The following PEA15 variants were observed in gnomAD, a reference collection of about 807,000 sequenced individuals.
The protein encoded by PEA15 is proliferation and apoptosis adaptor protein 15.
For synonymous variants in PEA15, 60 were observed against 61.8 expected, an observed-to-expected ratio of 0.97 and a Z score of 0.13; for missense variants, 77 against 161.3, an observed-to-expected ratio of 0.48 and a Z score of 2.83.
At chr1:160,207,644 T>C (rs1388890553) in intron 1 of PEA15, among the ~76,000 whole-genome samples, 1 of 152,126 alleles carries the variant, frequency 6.6e-6, no homozygotes, top group Non-Finnish European at 1.5e-5. Context: ...CCCTGGAGCC[T>C]CAGAACCCTC....
At position 160,208,716 on chromosome 1, in the gene PEA15, C is replaced by G; in HGVS notation, c.-2-2827C>G. The G allele has an allele frequency of 6.9e-7, 1 of 1,446,820 alleles. No homozygotes were observed. The highest frequency in any genetic ancestry group is 9.5e-7 in the Non-Finnish European group (1 of 1,052,696). 89.6% of individuals were successfully genotyped at this position (1,446,820 alleles called of 1,614,324 possible). A position where few individuals can be genotyped will look rare whatever the true frequency, so the allele number is the denominator to read the frequency against. Reference sequence around the variant, plus strand: ...GAGAGCAGTTCCCCTAAACAACACTCCCTTTGCTTCTTCTGCCATACTAAG... The same window carrying G: ...GAGAGCAGTTCCCCTAAACAACACTGCCTTTGCTTCTTCTGCCATACTAAG... On this transcript the variant is annotated intron_variant, in intron 1 of 3. Coordinates refer to ENST00000360472, the MANE Select transcript of PEA15 (RefSeq NM_003768.5). This position sits in a 1 kb window ranked among gnomAD's most constrained non-coding sequence, Gnocchi z 4.1.
chr1:160,208,590 G>C lies in PEA15; in HGVS notation c.-2-2953G>C, dbSNP rs960091897. On this transcript the variant is annotated intron_variant, in intron 1 of 3. Coordinates refer to ENST00000360472, the MANE Select transcript of PEA15 (RefSeq NM_003768.5). This position sits in a 1 kb window ranked among gnomAD's most constrained non-coding sequence, Gnocchi z 4.1. The stretch of plus-strand genomic sequence containing the variant: ...GAGCCCTAAGGAAATCTGAATCTCT[G>C]GTGAGGAAAGTGACATGGAGGATGA... 13 of 1,549,900 alleles carry C rather than the reference G, an allele frequency of 8.4e-6. No homozygotes were observed. Among genetic ancestry groups the C allele is most frequent in the Non-Finnish European group, 1.0e-5 (12 of 1,146,516 alleles).
intron 1 of PEA15, among the ~76,000 whole-genome samples, chr1:160,209,763 C>A (rs2101694660): frequency 1.3e-5 from 2 of 152,234 alleles, no homozygotes; most frequent in African/African-American, 4.8e-5. Context: ...ATCTCTAGTC[C>A]CCTCCCCATC....
At chr1:160,211,335 C>A in intron 1 of PEA15, 1 of 1,267,718 alleles carries the variant, frequency 7.9e-7, no homozygotes, top group Non-Finnish European at 1.0e-6. Flanking sequence ...TCACTCTAGG[C>A]TCCAGCCTGG....
chr1:160,214,777 A>T lies in PEA15; in HGVS notation c.*1291A>T, dbSNP rs988244453. 3 of 152,584 alleles carry T rather than the reference A, an allele frequency of 2.0e-5. No individual in the cohort carries two copies. In the East Asian group the frequency reaches 5.8e-4, roughly 29 times the overall value. The allele number at this position is 152,584 out of a possible 1,614,324, so 9.5% of individuals were successfully genotyped here. A position where few individuals can be genotyped will look rare whatever the true frequency, so the allele number is the denominator to read the frequency against. ...AAACAAAAAAGAAGGCTTTTTCAAA[A>T]AACATTAAATTCACATGCAGTCTCA... is the stretch of plus-strand genomic sequence containing the variant. On this transcript the variant is annotated 3_prime_UTR_variant, in exon 4 of 4. Coordinates refer to ENST00000360472, the MANE Select transcript of PEA15 (RefSeq NM_003768.5).
At position 160,213,397 on chromosome 1, in the gene PEA15, T is replaced by C. The variant is rs1266681077; in HGVS notation, c.329-25T>C. The stretch of plus-strand genomic sequence containing the variant: ...CTGGCATCTCCCACACTGCTGTCCC[T>C]GGACACATACCTTTTTGCCCCCAGA... On this transcript the variant is annotated intron_variant, in intron 3 of 3. Transcript: ENST00000360472. This position sits in a 1 kb window ranked among gnomAD's most constrained non-coding sequence, Gnocchi z 5.3. 1.2e-6 allele frequency: 2 copies of C among 1,613,928 alleles called. No individual in the cohort carries two copies. Among genetic ancestry groups the C allele is most frequent in the Admixed American group, 1.7e-5 (1 of 60,024 alleles).
chr1:160,210,781 GC>G (rs997364024), intron 1 of PEA15, among the ~76,000 whole-genome samples: 1 of 152,236 alleles, frequency 6.6e-6, no homozygotes, highest in Admixed American at 6.5e-5. Context: ...GGGCACGGGG[GC>G]TGCAGGCACA....
chr1:160,208,771 G>C lies in PEA15; in HGVS notation c.-2-2772G>C. 1 of 975,336 alleles carries C rather than the reference G, an allele frequency of 1.0e-6. No homozygotes were observed. Among genetic ancestry groups the C allele is most frequent in the Non-Finnish European group, 1.6e-6 (1 of 633,858 alleles). 60.4% of individuals were successfully genotyped at this position (975,336 alleles called of 1,614,324 possible). A position where few individuals can be genotyped will look rare whatever the true frequency, so the allele number is the denominator to read the frequency against. Reference sequence around the variant, plus strand: ...AGGCAAATGGATCTCTCCAAGAAGGGAGGCAACTGGGCTGCCTTTCCTTGT... The same window carrying C: ...AGGCAAATGGATCTCTCCAAGAAGGCAGGCAACTGGGCTGCCTTTCCTTGT... On this transcript the variant is annotated intron_variant, in intron 1 of 3. Transcript: ENST00000360472. This position sits in a 1 kb window ranked among gnomAD's most constrained non-coding sequence, Gnocchi z 4.1.
rs1654691441 is a variant in PEA15 at position 160,208,300 on chromosome 1, G to A, written c.-3+2778G>A. 1 of 410,504 alleles carries A rather than the reference G, an allele frequency of 2.4e-6. No individual in the cohort carries two copies. The highest frequency in any genetic ancestry group is 3.6e-5 in the Admixed American group (1 of 28,158). 25.4% of individuals were successfully genotyped at this position (410,504 alleles called of 1,614,324 possible). Reference sequence around the variant, plus strand: ...AGCATCCTCAGTTGGTTTGACCTTTGTCAGGGCTGTGCCTGGGGCCAGCTT... The same window carrying A: ...AGCATCCTCAGTTGGTTTGACCTTTATCAGGGCTGTGCCTGGGGCCAGCTT... On this transcript the variant is annotated intron_variant, in intron 1 of 3. Coordinates refer to ENST00000360472, the MANE Select transcript of PEA15 (RefSeq NM_003768.5). This position sits in a 1 kb window ranked among gnomAD's most constrained non-coding sequence, Gnocchi z 4.1.
intron 1 of PEA15, 31 bp from the exon 2 acceptor site, chr1:160,211,512 C>A (rs186554215): frequency 1.9e-6 from 3 of 1,587,306 alleles, no homozygotes; most frequent in African/African-American, 2.7e-5. Context: ...TTAAGCTCAA[C>A]TCCTATCCCT....
At chr1:160,209,475 T>C (rs1055759646) in intron 1 of PEA15, among the ~76,000 whole-genome samples, 2 of 152,030 alleles carry the variant, frequency 1.3e-5, no homozygotes, top group Admixed American at 6.6e-5. Context: ...TGTAGATCTG[T>C]TTTAGATTCA....
At chr1:160,212,721 T>C (rs114635049) in intron 2 of PEA15, among the ~76,000 whole-genome samples, 1,612 of 146,074 alleles carry the variant, frequency 0.011, 32 homozygotes, top group African/African-American at 0.039. Flanking sequence ...TGGTCCTACA[T>C]GTGCTGTCAG....
intron 1 of PEA15, among the ~76,000 whole-genome samples, chr1:160,209,988 T>C (rs989931052): frequency 1.3e-5 from 2 of 152,370 alleles, no homozygotes; most frequent in African/African-American, 4.8e-5. Context: ...AGCATGCCTA[T>C]GACTGCCTGT....
At chr1:160,210,713 A>G (rs1571066313) in intron 1 of PEA15, among the ~76,000 whole-genome samples, 1 of 152,008 alleles carries the variant, frequency 6.6e-6, no homozygotes, top group African/African-American at 2.4e-5. Context: ...CCCTCCCCCC[A>G]CCACCCAGCC....
Position 160,205,535 on chromosome 1 carries a change from G to A in PEA15, c.-3+13G>A, listed in dbSNP as rs776707134. ...AGCTCCAGAGGCGGTGAGAGGGGCG[G>A]AGAGGAGACATGTCGCGGGGAAGGG... is the stretch of plus-strand genomic sequence containing the variant. On this transcript the variant is annotated intron_variant, in intron 1 of 3. Transcript: ENST00000360472. This position sits in a 1 kb window ranked among gnomAD's most constrained non-coding sequence, Gnocchi z 5.9. 1.3e-5 allele frequency: 2 copies of A among 155,284 alleles called. No individual in the cohort carries two copies. Among genetic ancestry groups the A allele is most frequent in the African/African-American group, 4.8e-5 (2 of 41,488 alleles). The allele number at this position is 155,284 out of a possible 1,614,324, so 9.6% of individuals were successfully genotyped here.
At chr1:160,207,005 G>A (rs377222310) in intron 1 of PEA15, 3 of 152,594 alleles carry the variant, frequency 2.0e-5, no homozygotes, top group African/African-American at 7.2e-5. Context: ...CAGAATCACA[G>A]AGCGCCTCAC....
chr1:160,208,850 C>T lies in PEA15; in HGVS notation c.-2-2693C>T. ...TCTGTCCCTTCTTACTCACCATTCC[C>T]TACACTCCTCCCATCTAGTGGTGTC... On this transcript the variant is annotated intron_variant, in intron 1 of 3. Transcript: ENST00000360472. The surrounding 1 kb of genome is among the most constrained non-coding windows in gnomAD (Gnocchi z 4.1). 1.7e-6 allele frequency: 1 copy of T among 590,292 alleles called. No homozygotes were observed. The highest frequency in any genetic ancestry group is 1.9e-5 in the African/African-American group (1 of 53,806). The allele number at this position is 590,292 out of a possible 1,614,324, so 36.6% of individuals were successfully genotyped here.
intron 2 of PEA15, 25 bp downstream of exon 2, chr1:160,211,741 C>T (rs760736347): frequency 6.2e-7 from 1 of 1,604,212 alleles, no homozygotes; most frequent in Non-Finnish European, 8.5e-7. Flanking sequence ...CACAGGGGTC[C>T]TGTCATCAGT....
chr1:160,211,294 A>G (rs1654867892), intron 1 of PEA15: 8 of 1,176,504 alleles, frequency 6.8e-6, no homozygotes, highest in Non-Finnish European at 8.4e-6. Context: ...AACAGAAGAA[A>G]AAGATGGTGG....
Sources: allele counts gnomAD v4.1 joint callset (sites outside exome capture counted in the v4.1 genomes callset), GRCh38; gene constraint gnomAD v4.1.1; non-coding constraint Gnocchi (gnomAD v3.1); transcripts MANE v1.5; gene names NCBI Gene and HGNC (gene_info 2026-07-23, HGNC 2026-07-21).